SNX18: variants seen among roughly 807,000 people sequenced by gnomAD.
SNX18 encodes the protein sorting nexin 18.
Under a neutral mutation model 48.7 loss-of-function variants are expected in SNX18, and 35 were observed. That is an observed-to-expected ratio of 0.72 (90% CI 0.55 to 0.95). The LOEUF is 0.95. SNX18 is among the 40% of genes least tolerant of loss of function. The probability of loss-of-function intolerance (pLI) is 0.00; values close to 1 mark genes in which losing one functional copy is unlikely to be tolerated. For synonymous variants in SNX18, 492 were observed against 384.7 expected, an observed-to-expected ratio of 1.28 and a Z score of -3.26; for missense variants, 824 against 871.0, an observed-to-expected ratio of 0.95 and a Z score of 0.68.
the SNX18 span, among the ~76,000 whole-genome samples, chr5:54,585,146 G>C: frequency 6.6e-6 from 1 of 151,878 alleles, no homozygotes; most frequent in African/African-American, 2.4e-5. Context: ...TTTTAAGTCA[G>C]CCAGGCCTAG....
chr5:54,519,524 G>C lies in SNX18; in HGVS notation c.1572G>C (p.Leu524=), dbSNP rs774201973. Residue 524 remains leucine (L), a synonymous_variant, in exon 1 of 2, where the codon CTG becomes CTC. Coordinates refer to ENST00000381410, the MANE Select transcript of SNX18 (RefSeq NM_001102575.2). ...DLDPVMDLLA[L]YQGHLANFPD... ...ATCCCGTCATGGACCTATTAGCGCTGTATCAGGGGCATCTGGCTAACTTCC... is the reference window on the plus strand; with the variant it reads ...ATCCCGTCATGGACCTATTAGCGCTCTATCAGGGGCATCTGGCTAACTTCC... 3 of 1,614,226 alleles carry C rather than the reference G, an allele frequency of 1.9e-6. 1 individual carries two copies. The highest frequency in any genetic ancestry group is 2.2e-5 in the East Asian group (1 of 44,876).
At position 54,518,052 on chromosome 5, in the gene SNX18, G is replaced by A. The variant is rs200508708; in HGVS notation, c.100G>A (p.Asp34Asn). 123 of 1,546,536 alleles carry A rather than the reference G, an allele frequency of 8.0e-5. No homozygotes were observed. In the African/African-American group the frequency reaches 1.5e-3, roughly 19 times the overall value. Residue 34 changes from aspartate to asparagine, a missense_variant, in exon 1 of 2, where the codon GAC (aspartate) becomes AAC (asparagine). Asp to Asn is a conservative substitution (Grantham distance 23). This residue lies in a region of SNX18 where 377 missense variants were observed against 350.6 expected (regional missense o/e 1.08). Transcript: ENST00000381410. ...HEVLSLCSEQ[D>N]IEGWLEGVNS... ...GGTGCTGAGCCTGTGCAGCGAGCAG[G>A]ACATCGAGGGCTGGCTCGAGGGGGT...
chr5:54,624,378 G>C, the SNX18 span, among the ~76,000 whole-genome samples: 609 of 152,192 alleles, frequency 4.0e-3, 6 homozygotes, highest in African/African-American at 0.014. Flanking sequence ...CTTAGTACTT[G>C]GCTTTCACTC....
At chr5:54,562,807 T>C in the SNX18 span, among the ~76,000 whole-genome samples, 1 of 152,170 alleles carries the variant, frequency 6.6e-6, no homozygotes, top group Non-Finnish European at 1.5e-5. Context: ...CTTCAGGAGG[T>C]ATCCAGAAGA....
the SNX18 span, among the ~76,000 whole-genome samples, chr5:54,597,804 C>T: frequency 6.6e-6 from 1 of 152,110 alleles, no homozygotes; most frequent in Non-Finnish European, 1.5e-5. Context: ...CTCAAATCTA[C>T]ACCCTAGCAC....
chr5:54,646,139 C>T, the SNX18 span, among the ~76,000 whole-genome samples: 4 of 152,144 alleles, frequency 2.6e-5, no homozygotes, highest in Admixed American at 2.6e-4. Context: ...AATAAATGCA[C>T]TGTGCATGCT....
the SNX18 span, among the ~76,000 whole-genome samples, chr5:54,572,795 T>A: frequency 1.9e-5 from 2 of 102,968 alleles, no homozygotes; most frequent in Non-Finnish European, 3.9e-5. Context: ...TTTTTTTTTT[T>A]TTTTTTTTTT....
At chr5:54,625,696 A>C in the SNX18 span, among the ~76,000 whole-genome samples, 1 of 152,178 alleles carries the variant, frequency 6.6e-6, no homozygotes, top group Non-Finnish European at 1.5e-5. Context: ...GGAGACAGGA[A>C]CCAACGGAGG....
intron 1 of SNX18, among the ~76,000 whole-genome samples, chr5:54,524,136 C>CT (rs1328448090): frequency 6.6e-6 from 1 of 152,182 alleles, no homozygotes; most frequent in African/African-American, 2.4e-5. Flanking sequence ...AGGTCTGGGG[C>CT]TTACCCTTTG....
At chr5:54,603,120 G>A in the SNX18 span, among the ~76,000 whole-genome samples, 83,325 of 151,718 alleles carry the variant, frequency 0.55, 23,056 homozygotes, top group South Asian at 0.76. Flanking sequence ...TGTATCATAT[G>A]GTATCTGCGT....
At chr5:54,639,032 C>T in the SNX18 span, among the ~76,000 whole-genome samples, 2 of 152,130 alleles carry the variant, frequency 1.3e-5, no homozygotes, top group Non-Finnish European at 2.9e-5. Flanking sequence ...GGATTTATCT[C>T]AATAGAGAGG....
rs758916674 is a variant in SNX18 at position 54,524,584 on chromosome 5, G to T, written c.1621+5011G>T. ...TTGGGCTGAATAAAAAACTATTATT[G>T]TATTACCCCATGTATTTTTAAATCA... is the stretch of plus-strand genomic sequence containing the variant. On this transcript the variant is annotated intron_variant, in intron 1 of 1. Transcript: ENST00000381410. Among the ~76,000 whole-genome samples, 186 of 152,104 alleles carry T rather than the reference G, an allele frequency of 1.2e-3. 3 individuals carry two copies. Among genetic ancestry groups the T allele is most frequent in the Non-Finnish European group, 1.1e-3 (78 of 68,024 alleles).
chr5:54,528,855 C>T (rs973672748), intron 1 of SNX18, among the ~76,000 whole-genome samples: 1 of 152,172 alleles, frequency 6.6e-6, no homozygotes, highest in Non-Finnish European at 1.5e-5. Context: ...ATATGGGATC[C>T]GTCTTGGCTG....
At chr5:54,533,909 G>T (rs568976003) in intron 1 of SNX18, among the ~76,000 whole-genome samples, 38 of 152,148 alleles carry the variant, frequency 2.5e-4, no homozygotes, top group African/African-American at 8.9e-4. Flanking sequence ...GGAAGGAAAG[G>T]GGAGGGGAAG....
chr5:54,606,529 T>C, the SNX18 span, among the ~76,000 whole-genome samples: 1 of 152,198 alleles, frequency 6.6e-6, no homozygotes. Flanking sequence ...GTCAGTTGGC[T>C]CAATTCAGAG....
the SNX18 span, among the ~76,000 whole-genome samples, chr5:54,552,926 G>A: frequency 4.6e-5 from 7 of 152,104 alleles, no homozygotes; most frequent in Non-Finnish European, 1.0e-4. Context: ...AAAGGCCTCC[G>A]AACCTGAAGA....
At chr5:54,568,326 A>G in the SNX18 span, among the ~76,000 whole-genome samples, 1 of 152,220 alleles carries the variant, frequency 6.6e-6, no homozygotes, top group African/African-American at 2.4e-5. Flanking sequence ...TGGTAGAAAC[A>G]ACATTGGCAG....
the SNX18 span, among the ~76,000 whole-genome samples, chr5:54,607,637 A>G: frequency 6.6e-6 from 1 of 152,142 alleles, no homozygotes; most frequent in Non-Finnish European, 1.5e-5. Context: ...GCTATTACAA[A>G]TAAAGCTGCT....
chr5:54,600,289 T>C, the SNX18 span, among the ~76,000 whole-genome samples: 3 of 152,142 alleles, frequency 2.0e-5, no homozygotes, highest in East Asian at 3.9e-4. Flanking sequence ...TACCGTCTCA[T>C]GCCAGTCAGA....
Sources: allele counts gnomAD v4.1 joint callset (sites outside exome capture counted in the v4.1 genomes callset), GRCh38; gene constraint gnomAD v4.1.1; regional missense constraint gnomAD v4.1.1; transcripts MANE v1.5; gene names NCBI Gene and HGNC (gene_info 2026-07-23, HGNC 2026-07-21).